The following FLT1 variants were observed in gnomAD, a reference collection of about 807,000 sequenced individuals.
The protein encoded by FLT1 is vascular endothelial growth factor receptor 1.
A neutral mutation model predicts 156.3 loss-of-function variants in FLT1; 49 were observed. The observed-to-expected ratio is 0.31, with a 90% CI of 0.25 to 0.40. The LOEUF (loss-of-function observed/expected upper bound fraction) is 0.40, where lower values mean the gene tolerates loss of function less well. FLT1 is among the 10% of genes least tolerant of loss of function. The pLI is 1.00. For missense variants in FLT1, 1,322 were observed against 1,637.2 expected, an observed-to-expected ratio of 0.81 and a Z score of 3.32; for synonymous variants, 594 against 583.8, an observed-to-expected ratio of 1.02 and a Z score of -0.25.
At chr13:28,433,662 G>T (rs746069905) in intron 6 of FLT1, among the ~76,000 whole-genome samples, 157 bp downstream of exon 6, 1 of 152,122 alleles carries the variant, frequency 6.6e-6, no homozygotes, top group Admixed American at 6.5e-5. Flanking sequence ...GAAATGCCAG[G>T]CAAAGAAAGC....
chr13:28,407,927 T>C (rs568367659), intron 10 of FLT1, among the ~76,000 whole-genome samples: 8 of 152,176 alleles, frequency 5.3e-5, no homozygotes, highest in Non-Finnish European at 8.8e-5. Context: ...GACTATAACA[T>C]CCCCATGTTA....
At chr13:28,493,283 C>CA (rs1385657479) in intron 1 of FLT1, among the ~76,000 whole-genome samples, 2 of 152,058 alleles carry the variant, frequency 1.3e-5, no homozygotes, top group Non-Finnish European at 2.9e-5. Flanking sequence ...CTTTTCAAAA[C>CA]AAAAAATGTA....
intron 10 of FLT1, among the ~76,000 whole-genome samples, chr13:28,420,239 C>CT: frequency 6.6e-6 from 1 of 152,126 alleles, no homozygotes; most frequent in East Asian, 1.9e-4. Flanking sequence ...TGAACATTCA[C>CT]TTTTGGCTTG....
chr13:28,456,399 T>C (rs1302859496), intron 3 of FLT1, among the ~76,000 whole-genome samples: 1 of 152,094 alleles, frequency 6.6e-6, no homozygotes, highest in Non-Finnish European at 1.5e-5. Flanking sequence ...GAACTTTAAA[T>C]GCATATTACA....
intron 14 of FLT1, among the ~76,000 whole-genome samples, chr13:28,360,109 CAAAAAACAAGAAAAAA>C (rs1386697501): frequency 6.6e-6 from 1 of 151,744 alleles, no homozygotes; most frequent in Non-Finnish European, 1.5e-5. Context: ...GACTTTGTCT[CAAAAAACAAGAAAAAA>C]ACCAAATGAG....
At chr13:28,415,254 C>T (rs555888449) in intron 10 of FLT1, among the ~76,000 whole-genome samples, 12 of 152,216 alleles carry the variant, frequency 7.9e-5, no homozygotes, top group Admixed American at 5.2e-4. Flanking sequence ...CCAAGGCAGA[C>T]GGACCACCTG....
At chr13:28,384,412 G>C (rs1874225833) in intron 14 of FLT1, among the ~76,000 whole-genome samples, 1 of 137,368 alleles carries the variant, frequency 7.3e-6, no homozygotes. Context: ...TGGTGTCACT[G>C]TACTCCAGCC....
intron 15 of FLT1, among the ~76,000 whole-genome samples, chr13:28,348,734 C>T (rs1872645396): frequency 6.6e-6 from 1 of 152,096 alleles, no homozygotes; most frequent in Non-Finnish European, 1.5e-5. Context: ...ACCGTGAAAC[C>T]CCGTCTCTAC....
intron 7 of FLT1, among the ~76,000 whole-genome samples, chr13:28,430,813 A>C (rs1877633135): frequency 6.6e-6 from 1 of 152,200 alleles, no homozygotes; most frequent in Non-Finnish European, 1.5e-5. Flanking sequence ...TTTCTTAGAT[A>C]ATAAAGATAA....
chr13:28,394,221 T>G (rs534190330), intron 12 of FLT1, among the ~76,000 whole-genome samples: 1 of 152,262 alleles, frequency 6.6e-6, no homozygotes, highest in Non-Finnish European at 1.5e-5. Context: ...TAGAAAAGGA[T>G]TAAGGGAAAG....
chr13:28,408,074 G>A (rs1271915855), intron 10 of FLT1, among the ~76,000 whole-genome samples: 1 of 152,148 alleles, frequency 6.6e-6, no homozygotes, highest in Non-Finnish European at 1.5e-5. Context: ...AACAGCTAAA[G>A]TTCTCTTGTA....
At chr13:28,474,744 T>C (rs1049789859) in intron 1 of FLT1, among the ~76,000 whole-genome samples, 1 of 152,146 alleles carries the variant, frequency 6.6e-6, no homozygotes, top group South Asian at 2.1e-4. Flanking sequence ...AGATTAATGG[T>C]GATGGTTGCA....
chr13:28,323,478 C>A (rs1017459990), intron 20 of FLT1, among the ~76,000 whole-genome samples: 1 of 151,876 alleles, frequency 6.6e-6, no homozygotes, highest in Admixed American at 6.6e-5. Flanking sequence ...ATGGAGAAAC[C>A]CCGTCTCTAC....
At chr13:28,494,685 C>G (rs904242781) in intron 1 of FLT1, 95 bp downstream of exon 1, 6 of 955,484 alleles carry the variant, frequency 6.3e-6, no homozygotes, top group Non-Finnish European at 6.3e-6. Context: ...ACAGCCTCGT[C>G]TCCCCGCGTG....
intron 29 of FLT1, among the ~76,000 whole-genome samples, chr13:28,304,278 C>G (rs1160831435): frequency 6.6e-6 from 1 of 152,192 alleles, no homozygotes; most frequent in Non-Finnish European, 1.5e-5. Flanking sequence ...CCCCTTTGAT[C>G]CATTCATTCC....
rs921597959 is a variant in FLT1 at position 28,333,945 on chromosome 13, G to T, written c.2593+80C>A. ...CAGAAAAGCTTGTGTCTGTTCCCAG[G>T]CTATATCTAACTTGTACCAACATTT... On this transcript the variant is annotated intron_variant, in intron 18 of 29. Coordinates refer to ENST00000282397, the MANE Select transcript of FLT1 (RefSeq NM_002019.4). 15 of 902,988 alleles carry T rather than the reference G, an allele frequency of 1.7e-5. No homozygotes were observed. The African/African-American group carries it at 2.1e-4, about 13-fold the overall frequency. The allele number at this position is 902,988 out of a possible 1,614,324, so 55.9% of individuals were successfully genotyped here.
intron 28 of FLT1, among the ~76,000 whole-genome samples, chr13:28,308,112 C>T (rs543673209): frequency 6.6e-6 from 1 of 152,172 alleles, no homozygotes; most frequent in Non-Finnish European, 1.5e-5. Flanking sequence ...CAGGAATCCC[C>T]TAGGGATCTT....
At chr13:28,420,600 GA>G (rs1876944487) in intron 10 of FLT1, among the ~76,000 whole-genome samples, 1 of 152,124 alleles carries the variant, frequency 6.6e-6, no homozygotes. Flanking sequence ...TTGCCCCCAG[GA>G]AATGTTGACT....
At chr13:28,423,503 C>T (rs1877137701) in intron 10 of FLT1, among the ~76,000 whole-genome samples, 3 of 151,626 alleles carry the variant, frequency 2.0e-5, no homozygotes, top group Admixed American at 6.6e-5. Flanking sequence ...AAACTGCTCA[C>T]TGTTGTCAAA....
Sources: allele counts gnomAD v4.1 joint callset (sites outside exome capture counted in the v4.1 genomes callset), GRCh38; gene constraint gnomAD v4.1.1; transcripts MANE v1.5; gene names NCBI Gene and HGNC (gene_info 2026-07-23, HGNC 2026-07-21).